Variants in PPP1R14C observed in about 807,000 individuals in gnomAD.
PPP1R14C encodes protein phosphatase 1 regulatory subunit 14C.
Under a neutral mutation model 20.4 loss-of-function variants are expected in PPP1R14C, and 16 were observed. That is an observed-to-expected ratio of 0.78 (90% confidence interval 0.53 to 1.19). The LOEUF is 1.19. Ranked by LOEUF, PPP1R14C falls within the 50% of genes most tolerant of loss-of-function variation. The probability of loss-of-function intolerance (pLI) is 0.00; values close to 1 mark genes in which losing one functional copy is unlikely to be tolerated. For missense variants in PPP1R14C, 211 were observed against 220.1 expected (o/e 0.96, Z 0.26); for synonymous variants, 91 against 91.0 (o/e 1.00, Z 0.00).
At chr6:150,221,934 G>A (rs1778173103) in intron 3 of PPP1R14C, among the ~76,000 whole-genome samples, 2 of 152,152 alleles carry the variant, frequency 1.3e-5, no homozygotes. Flanking sequence ...GGGTAGCTGA[G>A]ACAACAGGTA....
chr6:150,151,310 C>T (rs1298397295), intron 1 of PPP1R14C, among the ~76,000 whole-genome samples: 2 of 152,150 alleles, frequency 1.3e-5, no homozygotes, highest in Non-Finnish European at 2.9e-5. Flanking sequence ...CCTCAGTGGG[C>T]GGCAGGCGCT....
In PPP1R14C at chr6:150,196,427, C is replaced by T. The variant is rs895625109; in HGVS notation, c.307-18317C>T. Among the ~76,000 whole-genome samples, 3 of 151,278 alleles carry T rather than the reference C, an allele frequency of 2.0e-5. No individual in the cohort carries two copies. In the South Asian group the frequency reaches 6.3e-4, roughly 32 times the overall value. On this transcript the variant is annotated intron_variant, in intron 1 of 3. Coordinates refer to ENST00000361131, the MANE Select transcript of PPP1R14C (RefSeq NM_030949.3). ...AGAAGTAGTAGCAAGGCATCCAATTCTTGAATCTAGTTTCTCTTCTAAGGA... is the reference window on the plus strand; with the variant it reads ...AGAAGTAGTAGCAAGGCATCCAATTTTTGAATCTAGTTTCTCTTCTAAGGA...
At chr6:150,169,562 A>G (rs780330928) in intron 1 of PPP1R14C, among the ~76,000 whole-genome samples, 1 of 152,204 alleles carries the variant, frequency 6.6e-6, no homozygotes, top group Non-Finnish European at 1.5e-5. Context: ...TGCTAAACCC[A>G]ATGGTTGAGT....
At chr6:150,236,640 C>CGTGTGTGTGTGTGT (rs1384226143) in intron 3 of PPP1R14C, among the ~76,000 whole-genome samples, 4 of 110,100 alleles carry the variant, frequency 3.6e-5, no homozygotes, top group Non-Finnish European at 8.0e-5. Context: ...TGTGTGTGTG[C>CGTGTGTGTGTGTGT]GCGTGTGTGT....
Position 150,143,526 on chromosome 6 carries a change from G to A in PPP1R14C, c.306+28G>A. On this transcript the variant is annotated intron_variant, in intron 1 of 3. Coordinates refer to ENST00000361131, the MANE Select transcript of PPP1R14C (RefSeq NM_030949.3). This position sits in a 1 kb window ranked among gnomAD's most constrained non-coding sequence, Gnocchi z 5.6. ...ACCTGGGCGCGGGGCTGGGAGGGTC[G>A]GGGACCTCTCTAGCTCCTCTGTGCC... 2 of 1,407,800 alleles carry A rather than the reference G, an allele frequency of 1.4e-6. No homozygotes were observed. The highest frequency in any genetic ancestry group is 2.0e-6 in the Non-Finnish European group (2 of 1,020,326). 87.2% of individuals were successfully genotyped at this position (1,407,800 alleles called of 1,614,324 possible). A position where few individuals can be genotyped will look rare whatever the true frequency, so the allele number is the denominator to read the frequency against.
At position 150,143,849 on chromosome 6, in the gene PPP1R14C, A is replaced by G. The variant is rs1385010902; in HGVS notation, c.306+351A>G. Among the ~76,000 whole-genome samples, 2 of 152,138 alleles carry G rather than the reference A, an allele frequency of 1.3e-5. No homozygotes were observed. The highest frequency in any genetic ancestry group is 2.4e-5 in the African/African-American group (1 of 41,446). ...AGCGGGGCTCGGAGGGGCTCACTCC[A>G]GCTGCGCCTCAGCAGCGGTTGGGGA... On this transcript the variant is annotated intron_variant, in intron 1 of 3. Coordinates refer to ENST00000361131, the MANE Select transcript of PPP1R14C (RefSeq NM_030949.3). This position sits in a 1 kb window ranked among gnomAD's most constrained non-coding sequence, Gnocchi z 5.6.
chr6:150,174,070 A>G (rs1582903397), intron 1 of PPP1R14C, among the ~76,000 whole-genome samples: 1 of 142,134 alleles, frequency 7.0e-6, no homozygotes, highest in East Asian at 2.2e-4. Context: ...AATTATATAT[A>G]CTTGCAGTGT....
At chr6:150,150,931 C>T (rs542892481) in intron 1 of PPP1R14C, among the ~76,000 whole-genome samples, 91 of 152,248 alleles carry the variant, frequency 6.0e-4, no homozygotes, top group African/African-American at 2.1e-3. Flanking sequence ...CCGCACATGC[C>T]GCTCCGTCTT....
intron 1 of PPP1R14C, among the ~76,000 whole-genome samples, chr6:150,179,598 C>G (rs1182279612): frequency 6.6e-6 from 1 of 151,950 alleles, no homozygotes; most frequent in Non-Finnish European, 1.5e-5. Context: ...TCTGAATCCC[C>G]AAACATCTTT....
chr6:150,222,825 G>A (rs1220896364), intron 3 of PPP1R14C, among the ~76,000 whole-genome samples: 3 of 116,062 alleles, frequency 2.6e-5, no homozygotes, highest in Non-Finnish European at 4.8e-5. Flanking sequence ...AGGCTGGAAT[G>A]CAGTGGCACG....
intron 1 of PPP1R14C, among the ~76,000 whole-genome samples, chr6:150,188,419 C>G (rs936052219): frequency 1.3e-5 from 2 of 151,822 alleles, no homozygotes; most frequent in African/African-American, 4.8e-5. Flanking sequence ...TCAGGGCATG[C>G]CTTCCTGATG....
chr6:150,186,479 T>C (rs1046266115), intron 1 of PPP1R14C, among the ~76,000 whole-genome samples: 3 of 152,224 alleles, frequency 2.0e-5, no homozygotes, highest in Non-Finnish European at 4.4e-5. Flanking sequence ...GACTGATCCA[T>C]AGGCTTGTCA....
At chr6:150,176,700 A>G (rs1279190196) in intron 1 of PPP1R14C, among the ~76,000 whole-genome samples, 3 of 152,228 alleles carry the variant, frequency 2.0e-5, no homozygotes, top group Non-Finnish European at 2.9e-5. Context: ...TTTGGATCAC[A>G]GAAGTGAGAT....
intron 1 of PPP1R14C, among the ~76,000 whole-genome samples, chr6:150,144,512 G>T (rs1427461340): frequency 6.6e-6 from 1 of 152,240 alleles, no homozygotes; most frequent in African/African-American, 2.4e-5. Flanking sequence ...GCATGAAGGG[G>T]TTAATAATTA....
chr6:150,243,725 GT>G (rs1420735405), intron 3 of PPP1R14C, among the ~76,000 whole-genome samples: 7 of 152,160 alleles, frequency 4.6e-5, no homozygotes, highest in African/African-American at 1.7e-4. Context: ...GTACATGAAT[GT>G]TTTAAACAAC....
chr6:150,149,660 T>C (rs1339012112), intron 1 of PPP1R14C, among the ~76,000 whole-genome samples: 3 of 152,038 alleles, frequency 2.0e-5, no homozygotes, highest in African/African-American at 7.2e-5. Context: ...GGAGGACTGA[T>C]TGGTGAGACA....
intron 1 of PPP1R14C, among the ~76,000 whole-genome samples, chr6:150,197,704 G>A (rs1777822169): frequency 6.6e-6 from 1 of 152,158 alleles, no homozygotes; most frequent in Admixed American, 6.5e-5. Context: ...TGGATGCCCG[G>A]CTTTGTGTGC....
chr6:150,143,451 C>A lies in PPP1R14C; in HGVS notation c.259C>A (p.Leu87Met). The change falls in exon 1 of 4, where the codon CTG becomes ATG. Residue 87 changes from leucine (L) to methionine (M), a missense_variant. By Grantham distance (15) the Leu-to-Met change is conservative. Coordinates refer to ENST00000361131, the MANE Select transcript of PPP1R14C (RefSeq NM_030949.3). This position sits in a 1 kb window ranked among gnomAD's most constrained non-coding sequence, Gnocchi z 5.6. ...TAAGGAGCTTCGGAAGCGGCTGGTG[C>A]TGGAGGAATGGATCGTGGAGCAGCT... Reference protein sequence around the residue: ...DRKELRKRLVLEEWIVEQLGQ... With the variant: ...DRKELRKRLVMEEWIVEQLGQ... 1.9e-6 allele frequency: 3 copies of A among 1,605,858 alleles called. No individual in the cohort carries two copies. The highest frequency in any genetic ancestry group is 1.1e-5 in the South Asian group (1 of 90,264).
intron 1 of PPP1R14C, among the ~76,000 whole-genome samples, chr6:150,161,642 A>G (rs574438087): frequency 4.2e-4 from 63 of 149,356 alleles, no homozygotes; most frequent in African/African-American, 1.2e-3. Context: ...GTACAGCAAT[A>G]TCAGAATTGT....
Sources: gnomAD v4.1 joint callset for allele counts (sites outside exome capture counted in the v4.1 genomes callset) on GRCh38, gnomAD v4.1.1 for gene constraint, Gnocchi (gnomAD v3.1) non-coding constraint, MANE v1.5 for transcripts, NCBI Gene and HGNC (gene_info 2026-07-23, HGNC 2026-07-21) for gene names.